Variants in KIAA1958 observed in about 807,000 individuals in gnomAD.
KIAA1958 encodes the protein uncharacterized protein KIAA1958.
A neutral mutation model predicts 47.2 loss-of-function variants in KIAA1958; 14 were observed. The observed-to-expected ratio is 0.30, with a 90% confidence interval of 0.20 to 0.46. The LOEUF is 0.46. Among genes scored for constraint, KIAA1958 ranks in the 20% least tolerant of loss-of-function variants. The pLI is 1.00. For missense variants in KIAA1958, 803 were observed against 909.2 expected, an observed-to-expected ratio of 0.88 and a Z score of 1.50; for synonymous variants, 354 against 353.3, an observed-to-expected ratio of 1.00 and a Z score of -0.02.
intron 2 of KIAA1958, among the ~76,000 whole-genome samples, chr9:112,621,518 TC>T (rs1333352417): frequency 3.9e-5 from 6 of 152,196 alleles, no homozygotes; most frequent in African/African-American, 1.4e-4. Flanking sequence ...AAATGTCAGT[TC>T]CCTATCTGTG....
chr9:112,623,696 A>G (rs998753501), intron 2 of KIAA1958, among the ~76,000 whole-genome samples: 3 of 152,234 alleles, frequency 2.0e-5, no homozygotes, highest in Admixed American at 2.0e-4. Context: ...TAACTTTGTC[A>G]TGGAGGCAAG....
chr9:112,548,579 G>T (rs550349367), intron 1 of KIAA1958, among the ~76,000 whole-genome samples: 3 of 152,126 alleles, frequency 2.0e-5, no homozygotes, highest in Admixed American at 6.5e-5. Flanking sequence ...CTATATTGTT[G>T]TTACTTGTTT....
At chr9:112,523,658 A>G (rs996266223) in intron 1 of KIAA1958, among the ~76,000 whole-genome samples, 2 of 152,182 alleles carry the variant, frequency 1.3e-5, no homozygotes, top group Non-Finnish European at 2.9e-5. Context: ...GTGGATAGAC[A>G]CTGTTTCGAT....
intron 3 of KIAA1958, among the ~76,000 whole-genome samples, chr9:112,657,292 G>A (rs963794523): frequency 3.3e-5 from 5 of 151,646 alleles, no homozygotes; most frequent in African/African-American, 4.8e-5. Context: ...AAGGGGTTTC[G>A]CCATGTTGGC....
At chr9:112,604,418 A>G (rs893471548) in intron 2 of KIAA1958, among the ~76,000 whole-genome samples, 1 of 152,134 alleles carries the variant, frequency 6.6e-6, no homozygotes, top group African/African-American at 2.4e-5. Context: ...ACTGTGCTGG[A>G]TTTTGTGGGA....
chr9:112,657,859 CT>C lies in KIAA1958; in HGVS notation c.1345-1390del, dbSNP rs762027454. On this transcript the variant is annotated intron_variant, in intron 3 of 3. Transcript: ENST00000337530. ...AGTCATTAACTTTTCCTTTTTCTTC[CT>C]TTTTTTTTTTTTTGAGACAGAGTTT... Among the ~76,000 whole-genome samples the C allele has an allele frequency of 3.0e-3, 433 of 143,442 alleles. 1 individual carries two copies. The highest frequency in any genetic ancestry group is 3.6e-3 in the Middle Eastern group (1 of 276). 94.1% of individuals were successfully genotyped at this position (143,442 alleles called of 152,430 possible). A position where few individuals can be genotyped will look rare whatever the true frequency, so the allele number is the denominator to read the frequency against.
At chr9:112,563,736 A>T (rs188665475) in intron 1 of KIAA1958, among the ~76,000 whole-genome samples, 1 of 152,008 alleles carries the variant, frequency 6.6e-6, no homozygotes, top group East Asian at 1.9e-4. Flanking sequence ...CCCCGACTAT[A>T]TTATTTCAGT....
At chr9:112,617,857 C>A (rs756898077) in intron 2 of KIAA1958, 16 of 1,537,774 alleles carry the variant, frequency 1.0e-5, no homozygotes, top group South Asian at 3.7e-5. Flanking sequence ...CCCTCCCCCC[C>A]CAATTTGTTG....
chr9:112,492,245 C>T (rs892129603), intron 1 of KIAA1958, among the ~76,000 whole-genome samples: 14 of 152,170 alleles, frequency 9.2e-5, no homozygotes, highest in African/African-American at 1.9e-4. Flanking sequence ...TTAGGTTCTT[C>T]TAAGGCCCCT....
chr9:112,510,716 T>C (rs1025943621), intron 1 of KIAA1958, among the ~76,000 whole-genome samples: 1 of 152,086 alleles, frequency 6.6e-6, no homozygotes, highest in Non-Finnish European at 1.5e-5. Flanking sequence ...CAAAATGTAC[T>C]GTCAGGTGAT....
chr9:112,552,215 A>G (rs905865142), intron 1 of KIAA1958, among the ~76,000 whole-genome samples: 1 of 152,190 alleles, frequency 6.6e-6, no homozygotes, highest in Admixed American at 6.5e-5. Context: ...AATTTAGTTC[A>G]CTTACATGTC....
intron 1 of KIAA1958, among the ~76,000 whole-genome samples, chr9:112,537,970 G>A (rs1021290786): frequency 1.3e-5 from 2 of 152,128 alleles, no homozygotes; most frequent in Non-Finnish European, 2.9e-5. Flanking sequence ...ATAAAAGTAA[G>A]GGGAAGGAAT....
intron 1 of KIAA1958, among the ~76,000 whole-genome samples, chr9:112,518,307 C>T (rs13300191): frequency 6.6e-6 from 1 of 152,172 alleles, no homozygotes; most frequent in East Asian, 1.9e-4. Flanking sequence ...AAGCTGGAAA[C>T]AATCCAAATA....
Position 112,521,825 on chromosome 9 carries a change from T to G in KIAA1958, c.-25+34707T>G, listed in dbSNP as rs181158357. On this transcript the variant is annotated intron_variant, in intron 1 of 3. Transcript: ENST00000337530. Reference sequence around the variant, plus strand: ...TTTTAAAAAAATCAATAGGATACATTCTCTTGTTATCCCCATTGTTAAAGT... The same window carrying G: ...TTTTAAAAAAATCAATAGGATACATGCTCTTGTTATCCCCATTGTTAAAGT... Among the ~76,000 whole-genome samples, 20 of 152,294 alleles carry G rather than the reference T, an allele frequency of 1.3e-4. No individual in the cohort carries two copies. In the East Asian group the frequency reaches 3.9e-3, roughly 29 times the overall value.
At chr9:112,655,717 G>A (rs1212419508) in intron 3 of KIAA1958, among the ~76,000 whole-genome samples, 3 of 152,200 alleles carry the variant, frequency 2.0e-5, no homozygotes, top group Admixed American at 6.5e-5. Flanking sequence ...GGAGGCATGC[G>A]GGAGTGTTGC....
rs78345245 is a variant in KIAA1958, at chr9:112,634,085, G to A, written c.1172-11565G>A. On this transcript the variant is annotated intron_variant, in intron 2 of 3. Transcript: ENST00000337530. ...AAAGTGGTTGCACAAATCAATGCTT[G>A]TACCAACTTAGCAAGAGTGTTCCTG... Among the ~76,000 whole-genome samples the A allele has an allele frequency of 4.7e-3, 716 of 152,308 alleles. 5 individuals are homozygous for A. Among genetic ancestry groups the A allele is most frequent in the African/African-American group, 0.017 (687 of 41,566 alleles).
In KIAA1958 at chr9:112,665,175, C is replaced by G. The variant is rs1006271286; in HGVS notation, c.*5106C>G. 1 of 152,116 alleles carries G rather than the reference C, an allele frequency of 6.6e-6. No homozygotes were observed. Among genetic ancestry groups the G allele is most frequent in the South Asian group, 2.1e-4 (1 of 4,822 alleles). 9.4% of individuals were successfully genotyped at this position (152,116 alleles called of 1,614,324 possible). The stretch of plus-strand genomic sequence containing the variant: ...AGCAATTAGATAACTCTCCCTCCCC[C>G]CATTGAGGTGAGAATGGGCTCCTAG... On this transcript the variant is annotated 3_prime_UTR_variant, in exon 4 of 4. Coordinates refer to ENST00000337530, the MANE Select transcript of KIAA1958 (RefSeq NM_133465.4).
chr9:112,611,632 A>G (rs982791887), intron 2 of KIAA1958, among the ~76,000 whole-genome samples: 8 of 152,124 alleles, frequency 5.3e-5, no homozygotes, highest in African/African-American at 1.9e-4. Context: ...CTTATAGAGG[A>G]AGATTCCCAA....
At chr9:112,581,882 C>A (rs1160472725) in intron 2 of KIAA1958, 2 of 230,924 alleles carry the variant, frequency 8.7e-6, no homozygotes, top group South Asian at 7.1e-5. Flanking sequence ...TTGGTCACGT[C>A]TGAGATCAGA....
Sources: gnomAD v4.1 joint callset for allele counts (sites outside exome capture counted in the v4.1 genomes callset) on GRCh38, gnomAD v4.1.1 for gene constraint, MANE v1.5 for transcripts, NCBI Gene and HGNC (gene_info 2026-07-23, HGNC 2026-07-21) for gene names.